The following SLC9A6 variants were observed in gnomAD, a reference collection of about 807,000 sequenced individuals.
SLC9A6 encodes solute carrier family 9 member A6.
A neutral mutation model predicts 45.3 loss-of-function variants in SLC9A6; 6 were observed. The ratio of observed to expected loss-of-function variants is 0.13; its 90% CI spans 0.07 to 0.26. SLC9A6 has a LOEUF of 0.26. SLC9A6 is among the 10% of genes least tolerant of loss of function. SLC9A6 has a pLI of 1.00. For missense variants in SLC9A6, 278 were observed against 503.7 expected (o/e 0.55, Z 4.29); for synonymous variants, 191 against 187.7 (o/e 1.02, Z -0.14).
At chrX:136,039,897 G>T in intron 16 of SLC9A6, 179 bp from the exon 17 acceptor site, 1 of 477,787 alleles carries the variant, frequency 2.1e-6, no homozygotes. Context: ...AAGTGGAGAT[G>T]ATAAAATACC....
In SLC9A6 at chrX:136,044,806, C is replaced by T; in HGVS notation, c.*82C>T. On this transcript the variant is annotated 3_prime_UTR_variant, in exon 18 of 18. Transcript: ENST00000630721. ...TTTGTACTACCTAAAAGTCCCAGTG[C>T]ATGTCTCTGAATGTGTAAGCTATAT... 1 of 881,264 alleles carries T rather than the reference C, an allele frequency of 1.1e-6. No homozygotes were observed. The highest frequency in any genetic ancestry group is 1.7e-6 in the Non-Finnish European group (1 of 597,801). The allele number at this position is 881,264 out of a possible 1,213,427, so 72.6% of individuals were successfully genotyped here.
At chrX:135,985,573 T>C in intron 1 of SLC9A6, 30 bp from the exon 2 acceptor site, 2 of 1,201,635 alleles carry the variant, frequency 1.7e-6, no homozygotes, top group East Asian at 3.0e-5. Flanking sequence ...GCCCGCAGGC[T>C]CATGCGGCCC....
At chrX:135,991,624 C>T (rs936052093) in intron 2 of SLC9A6, among the ~76,000 whole-genome samples, 1 of 111,207 alleles carries the variant, frequency 9.0e-6, no homozygotes, top group Admixed American at 9.7e-5. Context: ...GTTTCCACTC[C>T]TGCTACTCCA....
At chrX:136,005,361 C>A (rs1224674486) in intron 7 of SLC9A6, among the ~76,000 whole-genome samples, 1 of 112,236 alleles carries the variant, frequency 8.9e-6, no homozygotes, top group Non-Finnish European at 1.9e-5. Context: ...GTGTACATAC[C>A]AGTGTTGGTG....
At position 136,000,254 on chromosome X, in the gene SLC9A6, C is replaced by CAA. The variant is rs1212509294; in HGVS notation, c.637+1312_637+1313dup. Among the ~76,000 whole-genome samples, 32 of 15,699 alleles carry CAA rather than the reference C, an allele frequency of 2.0e-3. 1 individual carries two copies. The highest frequency in any genetic ancestry group is 2.7e-3 in the Non-Finnish European group (21 of 7,752). 13.6% of individuals were successfully genotyped at this position (15,699 alleles called of 115,157 possible). On this transcript the variant is annotated intron_variant, in intron 6 of 17. Transcript: ENST00000630721. ...GGCGAGAAGGGCGAGACCCTGTCTC[C>CAA]AAAAAAAAAAAAAAAAAAAAAAAAA...
chrX:135,988,201 T>G (rs1388649758), intron 2 of SLC9A6, among the ~76,000 whole-genome samples: 4 of 111,862 alleles, frequency 3.6e-5, no homozygotes, highest in Non-Finnish European at 7.5e-5. Context: ...AGCACCTTGG[T>G]GTTAGTATTT....
intron 2 of SLC9A6, among the ~76,000 whole-genome samples, chrX:135,988,410 CTT>C (rs1300619803): frequency 6.4e-5 from 7 of 110,224 alleles, no homozygotes; most frequent in Admixed American, 2.9e-4. Context: ...GTCAAAGTTT[CTT>C]TCTTTCTCTC....
chrX:135,999,101 G>T, intron 6 of SLC9A6, 133 bp downstream of exon 6: 3 of 480,545 alleles, frequency 6.2e-6, no homozygotes, highest in Non-Finnish European at 1.1e-5. Context: ...TTCTAATTGT[G>T]GAGGAAAAAA....
chrX:136,016,350 C>T (rs782729310), intron 10 of SLC9A6, among the ~76,000 whole-genome samples: 36 of 109,252 alleles, frequency 3.3e-4, no homozygotes, highest in Non-Finnish European at 6.5e-4. Flanking sequence ...AAGGCAGTAG[C>T]AGGGACACAG....
chrX:136,046,933 C>T lies in SLC9A6; in HGVS notation c.*2209C>T, dbSNP rs895477303. ...AACCTACGCGTTTGAATGGCTTGAA[C>T]GTTGCATCTTTTAAAGTTATTTTTT... On this transcript the variant is annotated 3_prime_UTR_variant, in exon 18 of 18. Coordinates refer to ENST00000630721, the MANE Select transcript of SLC9A6 (RefSeq NM_001379110.1). The T allele has an allele frequency of 1.8e-5, 2 of 112,784 alleles. No homozygotes were observed. Among genetic ancestry groups the T allele is most frequent in the Non-Finnish European group, 3.8e-5 (2 of 53,330 alleles). 9.3% of individuals were successfully genotyped at this position (112,784 alleles called of 1,213,427 possible).
In SLC9A6 at chrX:136,022,716, C is replaced by T. The variant is rs2071148833; in HGVS notation, c.1306+19C>T. 9.8e-7 allele frequency: 1 copy of T among 1,016,357 alleles called. No individual in the cohort carries two copies. Among genetic ancestry groups the T allele is most frequent in the African/African-American group, 1.9e-5 (1 of 53,324 alleles). 83.8% of individuals were successfully genotyped at this position (1,016,357 alleles called of 1,213,427 possible). ...TTTGCTGGTAAGTTGTAACTTTCTT[C>T]TCTTGCCCACTTCAAGCAACCATTC... On this transcript the variant is annotated intron_variant, in intron 12 of 17. Transcript: ENST00000630721.
At chrX:136,008,465 TC>T (rs1556618243) in intron 7 of SLC9A6, among the ~76,000 whole-genome samples, 2 of 112,032 alleles carry the variant, frequency 1.8e-5, no homozygotes, top group East Asian at 5.6e-4. Flanking sequence ...GGTCTCGAAC[TC>T]CCCATCTCAG....
intron 7 of SLC9A6, among the ~76,000 whole-genome samples, chrX:136,006,853 A>G (rs1003387416): frequency 2.0e-4 from 22 of 111,207 alleles, no homozygotes; most frequent in South Asian, 3.8e-4. Flanking sequence ...ATTTCTACCT[A>G]TTCAATTAAC....
At chrX:136,007,716 TTATAC>T (rs782103675) in intron 7 of SLC9A6, among the ~76,000 whole-genome samples, 4 of 111,700 alleles carry the variant, frequency 3.6e-5, no homozygotes, top group Admixed American at 2.9e-4. Context: ...TACTTGGATA[TTATAC>T]TATATTAATA....
upstream of SLC9A6, among the ~76,000 whole-genome samples, chrX:135,984,595 G>A (rs2089305230): frequency 8.9e-6 from 1 of 111,794 alleles, no homozygotes; most frequent in Admixed American, 9.5e-5. Flanking sequence ...GGTGAGAGAG[G>A]TTGGACAGGC....
chrX:136,039,736 A>G (rs2071474986), intron 16 of SLC9A6, among the ~76,000 whole-genome samples: 1 of 112,117 alleles, frequency 8.9e-6, no homozygotes, highest in South Asian at 3.7e-4. Context: ...TTTTGGTTTT[A>G]GTAAAATCAG....
intron 7 of SLC9A6, 118 bp from the exon 8 acceptor site, chrX:136,010,324 C>T: frequency 2.5e-6 from 2 of 795,209 alleles, no homozygotes; most frequent in East Asian, 3.7e-5. Flanking sequence ...TTTGGCAATT[C>T]CAATCGAAAG....
chrX:135,996,396 T>C (rs1040006886), intron 3 of SLC9A6, among the ~76,000 whole-genome samples: 1 of 111,623 alleles, frequency 9.0e-6, no homozygotes, highest in East Asian at 2.8e-4. Context: ...AGGTTTACCT[T>C]GCAGCAGGAG....
chrX:136,046,969 G>A lies in SLC9A6; in HGVS notation c.*2245G>A, dbSNP rs1556623689. ...TTAAAGTTATTTTTTAAGGTTTCTT[G>A]GCATTTATCCTAGTTGTCCGTGTTT... On this transcript the variant is annotated 3_prime_UTR_variant, in exon 18 of 18. Coordinates refer to ENST00000630721, the MANE Select transcript of SLC9A6 (RefSeq NM_001379110.1). 8.9e-6 allele frequency: 1 copy of A among 112,495 alleles called. No individual in the cohort carries two copies. Among genetic ancestry groups the A allele is most frequent in the Non-Finnish European group, 1.9e-5 (1 of 53,243 alleles). 9.3% of individuals were successfully genotyped at this position (112,495 alleles called of 1,213,427 possible).
Sources: allele counts gnomAD v4.1 joint callset (sites outside exome capture counted in the v4.1 genomes callset), GRCh38; gene constraint gnomAD v4.1.1; transcripts MANE v1.5; gene names NCBI Gene and HGNC (gene_info 2026-07-23, HGNC 2026-07-21).